Variants in PCDHA3 observed in about 807,000 individuals in gnomAD.
The protein encoded by PCDHA3 is protocadherin alpha 3, also known as protocadherin alpha-3.
PCDHA3 carries 41 observed loss-of-function variants against 62.2 expected under a neutral mutation model. The ratio of observed to expected loss-of-function variants is 0.66; its 90% CI spans 0.51 to 0.86. PCDHA3 has a LOEUF of 0.86. Ranked by LOEUF, PCDHA3 falls within the 40% of genes least tolerant of loss-of-function variation. The pLI, the probability that PCDHA3 is intolerant of heterozygous loss-of-function variation, is 0.00. For synonymous variants in PCDHA3, 640 were observed against 555.4 expected (o/e 1.15, Z -2.14); for missense variants, 1,304 against 1,241.2 (o/e 1.05, Z -0.76).
intron 1 of PCDHA3, among the ~76,000 whole-genome samples, chr5:140,932,536 T>G (rs1176427449): frequency 1.3e-5 from 2 of 151,940 alleles, no homozygotes. Flanking sequence ...TTCAAGGTGC[T>G]TTATTTAACA....
At chr5:140,806,068 CT>C (rs1763679456) in intron 1 of PCDHA3, among the ~76,000 whole-genome samples, 1 of 152,094 alleles carries the variant, frequency 6.6e-6, no homozygotes, top group Non-Finnish European at 1.5e-5. Flanking sequence ...CACCCTGGTG[CT>C]GCAGTTTGTA....
chr5:140,927,601 G>C lies in PCDHA3; in HGVS notation c.2395-51348G>C, dbSNP rs1490799029. 27 of 1,614,082 alleles carry C rather than the reference G, an allele frequency of 1.7e-5. No individual in the cohort carries two copies. Among genetic ancestry groups the C allele is most frequent in the Non-Finnish European group, 2.3e-5 (27 of 1,180,040 alleles). Reference sequence around the variant, plus strand: ...CAACGCGCCTGTATTTGAGCGCTCCGTATACCGCACCAAGGTTCCAGAGAC... The same window carrying C: ...CAACGCGCCTGTATTTGAGCGCTCCCTATACCGCACCAAGGTTCCAGAGAC... On this transcript the variant is annotated intron_variant, in intron 1 of 3. Transcript: ENST00000522353.
intron 1 of PCDHA3, chr5:140,836,251 G>A: frequency 6.2e-7 from 1 of 1,613,786 alleles, no homozygotes; most frequent in South Asian, 1.1e-5. Flanking sequence ...ATCCCGTTCC[G>A]CGTGGGGCTG....
At chr5:140,891,371 T>C (rs1483919316) in intron 1 of PCDHA3, among the ~76,000 whole-genome samples, 1 of 152,146 alleles carries the variant, frequency 6.6e-6, no homozygotes, top group Non-Finnish European at 1.5e-5. Flanking sequence ...CAGTATACAT[T>C]GCACCATATT....
At chr5:140,836,666 G>T (rs1774663791) in intron 1 of PCDHA3, 1 of 1,613,284 alleles carries the variant, frequency 6.2e-7, no homozygotes, top group African/African-American at 1.3e-5. Context: ...TGTGCTCTGG[G>T]GAGGGCCCAC....
At chr5:140,876,968 T>C (rs782613091) in intron 1 of PCDHA3, 1 of 1,608,986 alleles carries the variant, frequency 6.2e-7, no homozygotes, top group Non-Finnish European at 8.5e-7. Context: ...GAGCGGCGGG[T>C]GGGCGAGCAC....
intron 1 of PCDHA3, among the ~76,000 whole-genome samples, chr5:140,874,289 T>G (rs1234939624): frequency 1.3e-5 from 2 of 152,230 alleles, no homozygotes; most frequent in Non-Finnish European, 2.9e-5. Context: ...ACAAAATCTA[T>G]GTGTACTTGT....
chr5:140,977,484 G>A (rs2096763384), intron 1 of PCDHA3, among the ~76,000 whole-genome samples: 1 of 152,220 alleles, frequency 6.6e-6, no homozygotes. Flanking sequence ...TTTATGCTAT[G>A]TTATATGGAA....
rs2150424072 is a variant in PCDHA3, at chr5:140,848,906, A to C, written c.2394+45315A>C. 6 of 1,608,120 alleles carry C rather than the reference A, an allele frequency of 3.7e-6. No individual in the cohort carries two copies. In the East Asian group the frequency reaches 1.3e-4, roughly 36 times the overall value. On this transcript the variant is annotated intron_variant, in intron 1 of 3. Transcript: ENST00000522353. ...ACCCTCCAGTGTTCCCAGCGACACA[A>C]AAGAATCTGTTCATCGCGGAATCCA... is the stretch of plus-strand genomic sequence containing the variant.
intron 1 of PCDHA3, chr5:140,875,523 G>A (rs782796444): frequency 6.2e-7 from 1 of 1,613,992 alleles, no homozygotes; most frequent in South Asian, 1.1e-5. Flanking sequence ...TGCTGCTCTC[G>A]CTTCTGCTCC....
chr5:140,969,863 C>G (rs1305470999), intron 1 of PCDHA3, among the ~76,000 whole-genome samples: 2 of 152,156 alleles, frequency 1.3e-5, no homozygotes, highest in Non-Finnish European at 2.9e-5. Context: ...CTGGTACTTG[C>G]ACTGAACCTA....
chr5:140,838,280 ATT>A lies in PCDHA3; in HGVS notation c.2394+34703_2394+34704del, dbSNP rs2150286950. Among the ~76,000 whole-genome samples, 385 of 139,594 alleles carry A rather than the reference ATT, an allele frequency of 2.8e-3. 5 individuals are homozygous for A. Among genetic ancestry groups the A allele is most frequent in the Middle Eastern group, 0.014 (4 of 280 alleles). 91.6% of individuals were successfully genotyped at this position (139,594 alleles called of 152,430 possible). The stretch of plus-strand genomic sequence containing the variant: ...AGACGCCAACAACCAAGCCATGCTA[ATT>A]TTTTTTTTTTTTTGTATTTTTAGTA... On this transcript the variant is annotated intron_variant, in intron 1 of 3. Coordinates refer to ENST00000522353, the MANE Select transcript of PCDHA3 (RefSeq NM_018906.3).
At chr5:140,848,694 G>A (rs2150417748) in intron 1 of PCDHA3, 1 of 1,592,460 alleles carries the variant, frequency 6.3e-7, no homozygotes, top group Admixed American at 1.7e-5. Context: ...GTTCCAGTTG[G>A]ATTCCAAAGG....
In PCDHA3 at chr5:141,007,955, C is replaced by T. The variant is rs192197811; in HGVS notation, c.2543-1672C>T. ...CTAAGCCACCTTTTTGAGAACTGCT[C>T]ATTCTCTGGGTGTCTGTCATGTATA... On this transcript the variant is annotated intron_variant, in intron 3 of 3. Transcript: ENST00000522353. 2.6e-5 allele frequency among the ~76,000 whole-genome samples: 4 copies of T among 152,294 alleles called. No homozygotes were observed. In the East Asian group the frequency reaches 7.7e-4, roughly 29 times the overall value.
intron 1 of PCDHA3, among the ~76,000 whole-genome samples, chr5:140,910,668 C>G (rs2075124281): frequency 6.6e-6 from 1 of 152,172 alleles, no homozygotes; most frequent in Admixed American, 6.5e-5. Flanking sequence ...TACATTAAAC[C>G]AAGGGAGATC....
chr5:140,817,711 G>T (rs2150098839), intron 1 of PCDHA3: 2 of 151,906 alleles, frequency 1.3e-5, no homozygotes, highest in African/African-American at 4.8e-5. Flanking sequence ...TCATTGTTTT[G>T]TTAACACCTA....
intron 1 of PCDHA3, among the ~76,000 whole-genome samples, chr5:140,845,265 T>C (rs1779776321): frequency 6.7e-6 from 1 of 149,658 alleles, no homozygotes; most frequent in African/African-American, 2.4e-5. Flanking sequence ...GTGTTTTCCT[T>C]TGTGAAAGTA....
intron 1 of PCDHA3, chr5:140,857,647 G>T: frequency 6.3e-7 from 1 of 1,596,858 alleles, no homozygotes; most frequent in Non-Finnish European, 8.6e-7. Flanking sequence ...TACAGTTCCA[G>T]GTGAGCGCGC....
chr5:140,961,236 T>C (rs246004), intron 1 of PCDHA3, among the ~76,000 whole-genome samples: 47,773 of 152,034 alleles, frequency 0.31, 7,861 homozygotes, highest in East Asian at 0.53. Context: ...AAAAAGGTGA[T>C]GGAATTTATC....
Sources: allele counts gnomAD v4.1 joint callset (sites outside exome capture counted in the v4.1 genomes callset), GRCh38; gene constraint gnomAD v4.1.1; transcripts MANE v1.5; gene names NCBI Gene and HGNC (gene_info 2026-07-23, HGNC 2026-07-21).